DECR2: variants seen among roughly 807,000 people sequenced by gnomAD.
DECR2 encodes the protein peroxisomal 2,4-dienoyl-CoA reductase [(3E)-enoyl-CoA-producing].
DECR2 carries 34 observed loss-of-function variants against 29.2 expected under a neutral mutation model. The observed-to-expected ratio is 1.16, with a 90% CI of 0.89 to 1.55. The LOEUF (loss-of-function observed/expected upper bound fraction) is 1.55. Ranked by LOEUF, DECR2 falls within the 40% of genes most tolerant of loss-of-function variation. DECR2 has a pLI of 0.00. For missense variants in DECR2, 485 were observed against 425.3 expected (o/e 1.14, Z -1.23); for synonymous variants, 224 against 182.7 (o/e 1.23, Z -1.82).
chr16:407,148 T>A (rs985927151), intron 3 of DECR2: 66 of 1,252,888 alleles, frequency 5.3e-5, no homozygotes, highest in Non-Finnish European at 6.1e-5. Flanking sequence ...CCACCTCTGG[T>A]CTGCAGCAGG....
rs374254424 is a variant in DECR2, at chr16:410,251, G to T, written c.346G>T (p.Gly116Trp). The T allele has an allele frequency of 1.2e-6, 2 of 1,612,996 alleles. No individual in the cohort carries two copies. The highest frequency in any genetic ancestry group is 1.7e-6 in the Non-Finnish European group (2 of 1,179,606). The change falls in exon 5 of 9, where the codon GGG (glycine) becomes TGG (tryptophan). Residue 116 changes from glycine to tryptophan, a missense_variant. Physicochemically the swap from Gly to Trp is radical, Grantham distance 184. Transcript: ENST00000219481. This position sits in a 1 kb window ranked among gnomAD's most constrained non-coding sequence, Gnocchi z 4.1. ...RIDILINCAA[G>W]NFLCPAGALS... ...GGTCTCCCATTCTGCAGGTGCGGCC[G>T]GGAACTTCCTGTGCCCCGCTGGCGC...
chr16:411,698 C>T, intron 8 of DECR2, 120 bp downstream of exon 8: 2 of 1,065,314 alleles, frequency 1.9e-6, no homozygotes, highest in East Asian at 2.6e-5. Context: ...CTCCCGGCCC[C>T]TGCGCCAGCC....
At chr16:404,361 C>T (rs965489285) in intron 1 of DECR2, among the ~76,000 whole-genome samples, 1 of 150,986 alleles carries the variant, frequency 6.6e-6, no homozygotes, top group Non-Finnish European at 1.5e-5. Flanking sequence ...GCCTCAGCCT[C>T]CCAAGTAGCT....
chr16:405,156 C>A (rs1418541403), intron 2 of DECR2, 132 bp downstream of exon 2: 1 of 1,125,524 alleles, frequency 8.9e-7, no homozygotes, highest in Non-Finnish European at 1.3e-6. Context: ...GATCCAGGTG[C>A]CTGCCAGAGG....
intron 2 of DECR2, chr16:405,410 A>C: frequency 1.4e-6 from 1 of 732,506 alleles, no homozygotes; most frequent in Non-Finnish European, 2.0e-6. Flanking sequence ...GGGTGGGGGA[A>C]AGGGACCCTT....
At chr16:405,193 T>C (rs1485711388) in intron 2 of DECR2, 169 bp downstream of exon 2, 4 of 773,376 alleles carry the variant, frequency 5.2e-6, no homozygotes, top group Non-Finnish European at 6.2e-6. Flanking sequence ...AGGATTGCCC[T>C]GGGGGGAGTC....
At position 410,125 on chromosome 16, in the gene DECR2, C is replaced by T. The variant is rs1304747190; in HGVS notation, c.338-118C>T. 1.4e-6 allele frequency: 2 copies of T among 1,426,960 alleles called. No homozygotes were observed. The highest frequency in any genetic ancestry group is 2.2e-5 in the Admixed American group (1 of 44,552). 88.4% of individuals were successfully genotyped at this position (1,426,960 alleles called of 1,614,324 possible). ...TTATCCTAGGGCATGGGTCTCCTCC[C>T]TGTGCCACAGGGCACCTGGGCTCCC... On this transcript the variant is annotated intron_variant, in intron 4 of 8. Transcript: ENST00000219481. This position sits in a 1 kb window ranked among gnomAD's most constrained non-coding sequence, Gnocchi z 4.1.
chr16:405,602 C>A, intron 2 of DECR2: 1 of 1,304,186 alleles, frequency 7.7e-7, no homozygotes, highest in Non-Finnish European at 1.0e-6. Context: ...GGCAAGCAAC[C>A]CCCGAACCAG....
Position 410,542 on chromosome 16 carries a change from CAT to C in DECR2, c.463-148_463-147del, listed in dbSNP as rs1325410719. 4 of 1,470,330 alleles carry C rather than the reference CAT, an allele frequency of 2.7e-6. No individual in the cohort carries two copies. Among genetic ancestry groups the C allele is most frequent in the Non-Finnish European group, 3.7e-6 (4 of 1,083,892 alleles). The allele number at this position is 1,470,330 out of a possible 1,614,324, so 91.1% of individuals were successfully genotyped here. On this transcript the variant is annotated intron_variant, in intron 5 of 8. Coordinates refer to ENST00000219481, the MANE Select transcript of DECR2 (RefSeq NM_020664.4). This position sits in a 1 kb window ranked among gnomAD's most constrained non-coding sequence, Gnocchi z 4.1. The stretch of plus-strand genomic sequence containing the variant: ...GCCCGCTCCCTGCCCTGGGCCTCCC[CAT>C]GACGGCCGCCCGCTCCCTGCCCTGG...
chr16:403,826 C>T (rs918665919), intron 1 of DECR2, among the ~76,000 whole-genome samples: 1 of 152,098 alleles, frequency 6.6e-6, no homozygotes, highest in Non-Finnish European at 1.5e-5. Context: ...GGCAGTGAGC[C>T]GTGATGGTGC....
Position 401,906 on chromosome 16 carries a change from G to A in DECR2, c.-58G>A, listed in dbSNP as rs1251315034. 3 of 1,429,934 alleles carry A rather than the reference G, an allele frequency of 2.1e-6. No individual in the cohort carries two copies. Among genetic ancestry groups the A allele is most frequent in the Non-Finnish European group, 1.8e-6 (2 of 1,089,600 alleles). 88.6% of individuals were successfully genotyped at this position (1,429,934 alleles called of 1,614,324 possible). On this transcript the variant is annotated 5_prime_UTR_variant, in exon 1 of 9. Transcript: ENST00000219481. ...AGGCGAGTTCGCAGCTGCGCGCCGGGTCCTGGAGGCCGAGGCCGCTCCCGC... is the reference window on the plus strand; with the variant it reads ...AGGCGAGTTCGCAGCTGCGCGCCGGATCCTGGAGGCCGAGGCCGCTCCCGC...
chr16:405,679 G>A, intron 2 of DECR2: 1 of 1,158,450 alleles, frequency 8.6e-7, no homozygotes, highest in Non-Finnish European at 1.2e-6. Context: ...ATTTTACCAG[G>A]GAATTTGTGG....
intron 4 of DECR2, among the ~76,000 whole-genome samples, chr16:408,295 C>T (rs181780559): frequency 6.6e-6 from 1 of 151,554 alleles, no homozygotes; most frequent in Non-Finnish European, 1.5e-5. Flanking sequence ...CTCCGGCCCC[C>T]TGTCTCCGGG....
intron 3 of DECR2, chr16:406,650 A>G (rs1236262217): frequency 1.6e-6 from 1 of 633,692 alleles, no homozygotes; most frequent in Non-Finnish European, 2.7e-6. Flanking sequence ...GGTGCCCGCC[A>G]CCACGCCTGG....
At chr16:411,334 G>A (rs1051685433) in intron 7 of DECR2, 27 bp from the exon 8 acceptor site, 1 of 1,586,984 alleles carries the variant, frequency 6.3e-7, no homozygotes, top group South Asian at 1.1e-5. Context: ...GGGGCTCACG[G>A]GGCCTGAGCC....
At position 410,928 on chromosome 16, in the gene DECR2, A is replaced by G; in HGVS notation, c.557-44A>G. ...CCTGGCCTTGGCCCTGCGCCCTCGC[A>G]GAGGGCAGAGCGGCCCTTTCATATC... On this transcript the variant is annotated intron_variant, in intron 6 of 8. Coordinates refer to ENST00000219481, the MANE Select transcript of DECR2 (RefSeq NM_020664.4). This position sits in a 1 kb window ranked among gnomAD's most constrained non-coding sequence, Gnocchi z 4.1. 1 of 1,553,970 alleles carries G rather than the reference A, an allele frequency of 6.4e-7. No homozygotes were observed. The highest frequency in any genetic ancestry group is 8.7e-7 in the Non-Finnish European group (1 of 1,147,664).
chr16:411,581 G>C lies in DECR2; in HGVS notation c.*3G>C, dbSNP rs940490852. 3 of 1,608,000 alleles carry C rather than the reference G, an allele frequency of 1.9e-6. No individual in the cohort carries two copies. The East Asian group carries it at 6.7e-5, about 36-fold the overall frequency. On this transcript the variant is annotated splice_donor_region_variant and intron_variant, in intron 8 of 8. Transcript: ENST00000219481. Reference sequence around the variant, plus strand: ...CATCCTTCTCTGCTAAGCTCTAGGTGAGGTACTGCTCCCGCTTCTTGGGGT... The same window carrying C: ...CATCCTTCTCTGCTAAGCTCTAGGTCAGGTACTGCTCCCGCTTCTTGGGGT...
At chr16:406,209 C>T (rs956515733) in intron 2 of DECR2, 137 bp from the exon 3 acceptor site, 2 of 847,094 alleles carry the variant, frequency 2.4e-6, no homozygotes, top group South Asian at 1.7e-5. Context: ...CCTGTTCACG[C>T]CCCTGTGCCC....
chr16:408,269 C>G (rs1461358920), intron 4 of DECR2, among the ~76,000 whole-genome samples: 1 of 147,570 alleles, frequency 6.8e-6, no homozygotes, highest in African/African-American at 2.5e-5. Context: ...CTCTGGGCCT[C>G]TGTCTCCGGC....
Sources: gnomAD v4.1 joint callset for allele counts (sites outside exome capture counted in the v4.1 genomes callset) on GRCh38, gnomAD v4.1.1 for gene constraint, Gnocchi (gnomAD v3.1) non-coding constraint, MANE v1.5 for transcripts, NCBI Gene and HGNC (gene_info 2026-07-23, HGNC 2026-07-21) for gene names.